The following SAMD12 variants were observed in gnomAD, a reference collection of about 807,000 sequenced individuals.
SAMD12 encodes the protein sterile alpha motif domain containing 12, also known as sterile alpha motif domain-containing protein 12.
A neutral mutation model predicts 15.0 loss-of-function variants in SAMD12; 9 were observed. The observed-to-expected ratio is 0.60, with a 90% CI of 0.36 to 1.05. SAMD12 has a LOEUF of 1.05. Among genes scored for constraint, SAMD12 ranks in the 50% least tolerant of loss-of-function variants. The pLI, the probability that SAMD12 is intolerant of heterozygous loss-of-function variation, is 0.01. For synonymous variants in SAMD12, 86 were observed against 90.1 expected (o/e 0.96, Z 0.25); for missense variants, 230 against 234.2 (o/e 0.98, Z 0.12).
chr8:118,597,622 G>A (rs1205076468), intron 1 of SAMD12, among the ~76,000 whole-genome samples: 3 of 152,324 alleles, frequency 2.0e-5, no homozygotes, highest in Non-Finnish European at 4.4e-5. Context: ...TGGTGCGAGA[G>A]GAGTTGGCTC....
rs1316874770 is a variant in SAMD12, at chr8:118,593,845, A to G, written c.14-12952T>C. Among the ~76,000 whole-genome samples, 7 of 152,234 alleles carry G rather than the reference A, an allele frequency of 4.6e-5. No individual in the cohort carries two copies. The East Asian group carries it at 1.3e-3, about 29-fold the overall frequency. On this transcript the variant is annotated intron_variant, in intron 1 of 3. Transcript: ENST00000314727. ...AAGTAACCACATCTACACTTCCAGA[A>G]TTACAAAAAAATAAACATAATGCCA...
rs542027521 is a variant in SAMD12 at position 118,458,944 on chromosome 8, CTA to C, written c.193-18985_193-18984del. 7.2e-3 allele frequency among the ~76,000 whole-genome samples: 690 copies of C among 95,596 alleles called. 2 individuals are homozygous for C. Among genetic ancestry groups the C allele is most frequent in the Non-Finnish European group, 7.8e-3 (367 of 47,322 alleles). The allele number at this position is 95,596 out of a possible 152,430, so 62.7% of individuals were successfully genotyped here. On this transcript the variant is annotated intron_variant, in intron 2 of 3. Transcript: ENST00000314727. ...TCAAAGCAAATAGTAAAGTCTTCAG[CTA>C]TATATGTGTGTGTGTGTGTGTGTGT... is the stretch of plus-strand genomic sequence containing the variant.
chr8:118,382,007 C>T (rs1177293853), intron 3 of SAMD12, among the ~76,000 whole-genome samples: 1 of 152,240 alleles, frequency 6.6e-6, no homozygotes, highest in Non-Finnish European at 1.5e-5. Context: ...GATAGCCCTG[C>T]AGTCCAATGC....
chr8:118,340,444 A>G (rs1037967839), intron 4 of SAMD12, among the ~76,000 whole-genome samples: 2 of 152,122 alleles, frequency 1.3e-5, no homozygotes, highest in African/African-American at 2.4e-5. Flanking sequence ...ACTCATACAT[A>G]TATGTATATA....
the SAMD12 span, among the ~76,000 whole-genome samples, chr8:118,146,564 G>A: frequency 2.0e-5 from 3 of 152,164 alleles, no homozygotes; most frequent in South Asian, 6.2e-4. Flanking sequence ...TGCCTATGAG[G>A]AAGAATAACA....
chr8:118,566,338 C>T (rs1255127619), intron 2 of SAMD12, among the ~76,000 whole-genome samples: 2 of 152,204 alleles, frequency 1.3e-5, no homozygotes, highest in South Asian at 2.1e-4. Context: ...CTGTCTTCTA[C>T]TCCATCTTTA....
chr8:118,465,558 A>T (rs1823569564), intron 2 of SAMD12, among the ~76,000 whole-genome samples: 2 of 152,172 alleles, frequency 1.3e-5, no homozygotes, highest in South Asian at 4.1e-4. Flanking sequence ...CTTCGGACAC[A>T]CACACAGCAA....
At chr8:118,209,815 A>G (rs941471027) in intron 4 of SAMD12, among the ~76,000 whole-genome samples, 2 of 152,214 alleles carry the variant, frequency 1.3e-5, no homozygotes, top group Admixed American at 6.5e-5. Context: ...TGGACCAGTC[A>G]AATAAGGCCT....
At chr8:118,193,334 T>C (rs1036932671) in exon 5 of SAMD12, 3 of 152,228 alleles carry the variant, frequency 2.0e-5, no homozygotes, top group African/African-American at 4.8e-5. Flanking sequence ...AAAGCCACCA[T>C]AGCAAAATAA....
At chr8:118,217,528 A>G (rs1811992468) in intron 4 of SAMD12, among the ~76,000 whole-genome samples, 1 of 152,232 alleles carries the variant, frequency 6.6e-6, no homozygotes, top group Non-Finnish European at 1.5e-5. Context: ...CAGAAAAATA[A>G]TTAACAGTAT....
chr8:118,133,745 T>C, the SAMD12 span, among the ~76,000 whole-genome samples: 1 of 149,602 alleles, frequency 6.7e-6, no homozygotes, highest in African/African-American at 2.5e-5. Flanking sequence ...TAAAAGTGGG[T>C]GGTGGTTGTT....
At chr8:118,447,274 C>T (rs2130906159) in intron 2 of SAMD12, among the ~76,000 whole-genome samples, 1 of 151,880 alleles carries the variant, frequency 6.6e-6, no homozygotes, top group South Asian at 2.1e-4. Context: ...TCATCCTGTT[C>T]TTTCCTTCCT....
rs1347925308 is a variant in SAMD12 at position 118,440,669 on chromosome 8, CACACACACACACACACACACACACACAA to C, written c.193-736_193-709del. ...TATTTATGAGGAAAACACACACACACACACACACACACACACACACACACACAAACACACACACACACACACATATAAA... is the reference window on the plus strand; with the variant it reads ...TATTTATGAGGAAAACACACACACACACACACACACACACACACATATAAA... On this transcript the variant is annotated intron_variant, in intron 2 of 3. Coordinates refer to ENST00000314727, the MANE Select transcript of SAMD12 (RefSeq NM_207506.3). 2.0e-5 allele frequency among the ~76,000 whole-genome samples: 3 copies of C among 146,608 alleles called. No individual in the cohort carries two copies. In the South Asian group the frequency reaches 6.7e-4, roughly 33 times the overall value.
chr8:118,250,541 C>CA (rs1812797401), intron 4 of SAMD12, among the ~76,000 whole-genome samples: 1 of 149,744 alleles, frequency 6.7e-6, no homozygotes, highest in African/African-American at 2.5e-5. Flanking sequence ...CTCACTCTGT[C>CA]ACCAAGGCTG....
the SAMD12 span, among the ~76,000 whole-genome samples, chr8:118,137,167 T>C: frequency 1.3e-5 from 2 of 152,174 alleles, no homozygotes; most frequent in Non-Finnish European, 2.9e-5. Flanking sequence ...ATTGGCCACT[T>C]GGTGTTCACT....
chr8:118,526,944 C>T (rs921620433), intron 2 of SAMD12, among the ~76,000 whole-genome samples: 1 of 152,208 alleles, frequency 6.6e-6, no homozygotes, highest in Non-Finnish European at 1.5e-5. Context: ...CTGCACTAGT[C>T]ATATCAAACA....
intron 4 of SAMD12, among the ~76,000 whole-genome samples, chr8:118,337,869 C>CA (rs559918662): frequency 8.8e-4 from 134 of 151,804 alleles, no homozygotes; most frequent in Middle Eastern, 3.4e-3. Context: ...AAGGAAACAA[C>CA]AAAAAAAATG....
chr8:118,397,773 G>A (rs1033472132), intron 3 of SAMD12, among the ~76,000 whole-genome samples: 1 of 137,354 alleles, frequency 7.3e-6, no homozygotes, highest in African/African-American at 2.9e-5. Flanking sequence ...TTTTAAAAAT[G>A]AGGAAAATGG....
intron 4 of SAMD12, among the ~76,000 whole-genome samples, chr8:118,371,503 G>A (rs1243161419): frequency 6.6e-6 from 1 of 152,092 alleles, no homozygotes; most frequent in East Asian, 1.9e-4. Context: ...CTCCATGTGA[G>A]TGATGAGGAA....
Sources: gnomAD v4.1 joint callset for allele counts (sites outside exome capture counted in the v4.1 genomes callset) on GRCh38, gnomAD v4.1.1 for gene constraint, MANE v1.5 for transcripts, NCBI Gene and HGNC (gene_info 2026-07-23, HGNC 2026-07-21) for gene names.